CEP112: variants seen among roughly 807,000 people sequenced by gnomAD.
CEP112 encodes the protein centrosomal protein of 112 kDa.
Under a neutral mutation model 153.0 loss-of-function variants are expected in CEP112, and 127 were observed. The ratio of observed to expected loss-of-function variants is 0.83; its 90% CI spans 0.72 to 0.96. The LOEUF (loss-of-function observed/expected upper bound fraction) is 0.96. Ranked by LOEUF, CEP112 falls within the 40% of genes least tolerant of loss-of-function variation. The pLI, the probability that CEP112 is intolerant of heterozygous loss-of-function variation, is 0.00. For synonymous variants in CEP112, 358 were observed against 374.4 expected (o/e 0.96, Z 0.51); for missense variants, 1,089 against 1,101.2 (o/e 0.99, Z 0.16).
intron 18 of CEP112, among the ~76,000 whole-genome samples, chr17:65,934,381 T>C (rs2061234880): frequency 6.6e-6 from 1 of 152,114 alleles, no homozygotes; most frequent in Non-Finnish European, 1.5e-5. Flanking sequence ...AAACCTATAG[T>C]AGTTGCACAA....
chr17:65,811,165 C>T (rs146120843), intron 21 of CEP112, among the ~76,000 whole-genome samples: 44 of 152,258 alleles, frequency 2.9e-4, no homozygotes, highest in Middle Eastern at 3.4e-3. Context: ...TGTTTAGATA[C>T]TGTAGTAGAG....
At chr17:65,920,945 G>A (rs2060703923) in intron 19 of CEP112, among the ~76,000 whole-genome samples, 1 of 151,894 alleles carries the variant, frequency 6.6e-6, no homozygotes, top group African/African-American at 2.4e-5. Context: ...CCAGCTTAAA[G>A]CTGCAGAAAA....
chr17:65,982,408 T>C (rs2063261870), intron 17 of CEP112, among the ~76,000 whole-genome samples: 3 of 152,320 alleles, frequency 2.0e-5, no homozygotes, highest in East Asian at 1.9e-4. Context: ...CCTAACTAGA[T>C]AGAAACACCA....
At chr17:65,851,778 A>C (rs766721317) in intron 21 of CEP112, 26 bp downstream of exon 21, 18 of 1,541,616 alleles carry the variant, frequency 1.2e-5, no homozygotes, top group Non-Finnish European at 1.4e-5. Context: ...TCAACTGCCT[A>C]TTAAAAAACT....
At chr17:65,971,480 T>C (rs528019641) in intron 17 of CEP112, among the ~76,000 whole-genome samples, 53 of 62,332 alleles carry the variant, frequency 8.5e-4, no homozygotes, top group African/African-American at 1.9e-3. Context: ...ATCATGCATG[T>C]ATGACATGAA....
intron 8 of CEP112, among the ~76,000 whole-genome samples, chr17:66,089,966 A>C (rs2068072885): frequency 6.6e-6 from 1 of 152,206 alleles, no homozygotes; most frequent in Non-Finnish European, 1.5e-5. Context: ...AGAGACTTCC[A>C]ATAAGACTAG....
chr17:65,881,714 A>G (rs907189686), intron 20 of CEP112, among the ~76,000 whole-genome samples: 4 of 152,114 alleles, frequency 2.6e-5, no homozygotes, highest in Non-Finnish European at 4.4e-5. Context: ...CAATGGTATA[A>G]GAGAAATATC....
intron 11 of CEP112, among the ~76,000 whole-genome samples, chr17:66,054,278 T>C (rs2066581479): frequency 6.6e-6 from 1 of 152,200 alleles, no homozygotes; most frequent in African/African-American, 2.4e-5. Context: ...TTCATCCTAT[T>C]TGCACGGAAT....
intron 24 of CEP112, among the ~76,000 whole-genome samples, chr17:65,674,229 T>C (rs2047117419): frequency 6.6e-6 from 1 of 152,162 alleles, no homozygotes; most frequent in Non-Finnish European, 1.5e-5. Context: ...CAATTAGCAA[T>C]AAATGTGATC....
chr17:66,069,998 C>T lies in CEP112; in HGVS notation c.772G>A (p.Asp258Asn), dbSNP rs776111655. Residue 258 changes from aspartate to asparagine, a missense_variant, in exon 9 of 27, where the codon GAC becomes AAC. By Grantham distance (23) the Asp-to-Asn change is conservative. Transcript: ENST00000535342. ...GCTTCCATCATTTTTGTTTTCATGTCCAGCTTCAAGAAAAATATTTCAAGG... is the reference window on the plus strand; with the variant it reads ...GCTTCCATCATTTTTGTTTTCATGTTCAGCTTCAAGAAAAATATTTCAAGG... ...FLSRIREKEL[D>N]MKTKMMEAKF... The T allele has an allele frequency of 1.1e-5, 18 of 1,588,658 alleles. No individual in the cohort carries two copies. In the South Asian group the frequency reaches 2.0e-4, roughly 18 times the overall value.
chr17:66,091,480 T>C (rs1568480530), intron 8 of CEP112, among the ~76,000 whole-genome samples: 2 of 152,040 alleles, frequency 1.3e-5, no homozygotes, highest in African/African-American at 2.4e-5. Flanking sequence ...AATTTAAAAA[T>C]ATCTACAGAC....
intron 17 of CEP112, among the ~76,000 whole-genome samples, chr17:65,971,653 G>T (rs984253307): frequency 6.6e-4 from 81 of 122,876 alleles, no homozygotes; most frequent in African/African-American, 2.0e-3. Context: ...TTGCATGCAT[G>T]TCACATGCAT....
At chr17:65,849,657 A>G (rs546039262) in intron 21 of CEP112, among the ~76,000 whole-genome samples, 24 of 152,314 alleles carry the variant, frequency 1.6e-4, no homozygotes, top group Non-Finnish European at 3.2e-4. Context: ...GGCATATCCA[A>G]TTTTCTTAAA....
chr17:65,957,699 C>G (rs1295376050), intron 18 of CEP112, among the ~76,000 whole-genome samples: 4 of 152,112 alleles, frequency 2.6e-5, no homozygotes, highest in Non-Finnish European at 5.9e-5. Flanking sequence ...TATACTCTAT[C>G]TTATTTTGGA....
intron 21 of CEP112, among the ~76,000 whole-genome samples, chr17:65,818,131 A>G (rs910005222): frequency 1.3e-5 from 2 of 151,854 alleles, no homozygotes; most frequent in Non-Finnish European, 3.0e-5. Flanking sequence ...CTGGTCTTGT[A>G]GCAATTTACA....
In CEP112 at chr17:66,076,603, G is replaced by C. The variant is rs552328467; in HGVS notation, c.769-6602C>G. ...GACATGCCTAGCCCTGCCCCCACCT[G>C]CTGGGCCTTCCCTATCCACACTGGT... On this transcript the variant is annotated intron_variant, in intron 8 of 26. Transcript: ENST00000535342. Among the ~76,000 whole-genome samples, 16 of 152,212 alleles carry C rather than the reference G, an allele frequency of 1.1e-4. No homozygotes were observed. The South Asian group carries it at 3.1e-3, about 30-fold the overall frequency.
intron 17 of CEP112, among the ~76,000 whole-genome samples, chr17:65,971,987 C>G (rs924754605): frequency 6.6e-6 from 1 of 152,104 alleles, no homozygotes; most frequent in Non-Finnish European, 1.5e-5. Context: ...ATTGATAGGA[C>G]AAGTAGACAG....
At chr17:65,721,920 A>G (rs529562927) in intron 23 of CEP112, among the ~76,000 whole-genome samples, 1 of 152,356 alleles carries the variant, frequency 6.6e-6, no homozygotes, top group Non-Finnish European at 1.5e-5. Flanking sequence ...CCACATGAGA[A>G]ATGGCTTTGC....
intron 12 of CEP112, among the ~76,000 whole-genome samples, chr17:66,042,045 C>A (rs774449783): frequency 1.1e-4 from 17 of 152,052 alleles, no homozygotes; most frequent in Non-Finnish European, 2.4e-4. Flanking sequence ...GGTATGATGT[C>A]ATGTTGATAA....
Sources: gnomAD v4.1 joint callset for allele counts (sites outside exome capture counted in the v4.1 genomes callset) on GRCh38, gnomAD v4.1.1 for gene constraint, MANE v1.5 for transcripts, NCBI Gene and HGNC (gene_info 2026-07-23, HGNC 2026-07-21) for gene names.